CSMD1: variants seen among roughly 807,000 people sequenced by gnomAD.
CSMD1 encodes the protein CUB and sushi domain-containing protein 1.
A neutral mutation model predicts 417.5 loss-of-function variants in CSMD1; 213 were observed. The ratio of observed to expected loss-of-function variants is 0.51; its 90% CI spans 0.46 to 0.57. The LOEUF (loss-of-function observed/expected upper bound fraction) is 0.57, where lower values mean the gene tolerates loss of function less well. Ranked by LOEUF, CSMD1 falls within the 20% of genes least tolerant of loss-of-function variation. The probability of loss-of-function intolerance (pLI) is 0.00; values close to 1 mark genes in which losing one functional copy is unlikely to be tolerated. For missense variants in CSMD1, 6,923 were observed against 4,529.7 expected (o/e 1.53, Z -15.17); for synonymous variants, 2,862 against 1,736.8 (o/e 1.65, Z -16.11).
intron 3 of CSMD1, among the ~76,000 whole-genome samples, chr8:4,143,002 A>T (rs1304361226): frequency 7.3e-6 from 1 of 136,444 alleles, no homozygotes; most frequent in East Asian, 2.0e-4. Flanking sequence ...AAAAAAAAAA[A>T]ATGCTCTCCA....
chr8:3,379,220 A>G (rs28834422), intron 18 of CSMD1, among the ~76,000 whole-genome samples: 3,561 of 152,312 alleles, frequency 0.023, 142 homozygotes, highest in African/African-American at 0.082. Flanking sequence ...AAGGAGAACT[A>G]CAAACCACTG....
intron 1 of CSMD1, among the ~76,000 whole-genome samples, chr8:4,751,105 C>A (rs1371089226): frequency 6.6e-6 from 1 of 152,192 alleles, no homozygotes; most frequent in South Asian, 2.1e-4. Flanking sequence ...GCATGTCTGC[C>A]TGGGAGCAGT....
intron 3 of CSMD1, among the ~76,000 whole-genome samples, chr8:4,350,937 A>C (rs1469737334): frequency 6.6e-6 from 1 of 152,178 alleles, no homozygotes; most frequent in Non-Finnish European, 1.5e-5. Flanking sequence ...TCCTTGACAC[A>C]TACTTGCTTT....
intron 1 of CSMD1, among the ~76,000 whole-genome samples, chr8:4,860,135 AT>A: frequency 6.6e-6 from 1 of 151,748 alleles, no homozygotes; most frequent in South Asian, 2.1e-4. Flanking sequence ...ATTGGAAATC[AT>A]CATTCTCAGT....
At chr8:4,155,991 C>T (rs1299469720) in intron 3 of CSMD1, among the ~76,000 whole-genome samples, 2 of 152,090 alleles carry the variant, frequency 1.3e-5, no homozygotes, top group Non-Finnish European at 2.9e-5. Context: ...TGATAAACAT[C>T]AAAAAAGCCT....
intron 1 of CSMD1, among the ~76,000 whole-genome samples, chr8:4,715,871 A>C (rs1259995579): frequency 5.3e-5 from 8 of 152,182 alleles, no homozygotes; most frequent in Non-Finnish European, 1.2e-4. Flanking sequence ...ATTGCCTCCT[A>C]AAGGGTCCTT....
At chr8:3,839,462 A>G (rs550403584) in intron 5 of CSMD1, among the ~76,000 whole-genome samples, 1 of 124,456 alleles carries the variant, frequency 8.0e-6, no homozygotes, top group Non-Finnish European at 1.6e-5. Context: ...ATAATATATT[A>G]TATATTATAT....
chr8:3,556,079 T>A (rs986635950), intron 10 of CSMD1, among the ~76,000 whole-genome samples: 3 of 152,136 alleles, frequency 2.0e-5, no homozygotes, highest in African/African-American at 7.2e-5. Context: ...GTATGTATTA[T>A]TCCATATTCC....
chr8:3,284,460 C>G (rs529064572), intron 25 of CSMD1, 114 bp from the exon 26 acceptor site: 5 of 722,394 alleles, frequency 6.9e-6, no homozygotes, highest in Non-Finnish European at 1.2e-5. Context: ...CAACATGTGC[C>G]TCGGTACTTA....
intron 2 of CSMD1, among the ~76,000 whole-genome samples, chr8:4,625,892 T>A (rs1802076300): frequency 6.6e-6 from 1 of 151,956 alleles, no homozygotes; most frequent in African/African-American, 2.4e-5. Flanking sequence ...CCTGGCTAAT[T>A]GTTGTATTTT....
intron 21 of CSMD1, among the ~76,000 whole-genome samples, chr8:3,358,229 TGGACTCAG>T (rs1191948636): frequency 6.6e-6 from 1 of 152,222 alleles, no homozygotes; most frequent in Non-Finnish European, 1.5e-5. Flanking sequence ...GGACTCCCCA[TGGACTCAG>T]AAGGCTTGGT....
intron 12 of CSMD1, among the ~76,000 whole-genome samples, chr8:3,448,741 G>C (rs1047709113): frequency 3.3e-5 from 5 of 152,172 alleles, no homozygotes; most frequent in African/African-American, 1.2e-4. Flanking sequence ...GCACACCACA[G>C]AGGGATGCAT....
intron 2 of CSMD1, among the ~76,000 whole-genome samples, chr8:4,440,512 T>C (rs887015522): frequency 4.6e-5 from 7 of 152,196 alleles, no homozygotes; most frequent in African/African-American, 1.7e-4. Flanking sequence ...ATAATTTCTA[T>C]GGATATAAAG....
chr8:3,571,578 C>T (rs1010334440), intron 10 of CSMD1, among the ~76,000 whole-genome samples: 2 of 152,138 alleles, frequency 1.3e-5, no homozygotes. Context: ...GTTTCCCACA[C>T]CCACGGCACC....
intron 12 of CSMD1, among the ~76,000 whole-genome samples, chr8:3,423,681 A>G (rs1290227658): frequency 1.3e-5 from 2 of 152,192 alleles, no homozygotes; most frequent in African/African-American, 4.8e-5. Context: ...TATTATGAAG[A>G]AAGTCTTACG....
At chr8:3,189,875 G>A (rs992319477) in intron 34 of CSMD1, 37 bp downstream of exon 34, 1 of 1,522,560 alleles carries the variant, frequency 6.6e-7, no homozygotes, top group African/African-American at 1.4e-5. Flanking sequence ...CACCACCACA[G>A]AGTTCTGGCG....
intron 2 of CSMD1, among the ~76,000 whole-genome samples, chr8:4,448,786 C>G (rs1434553718): frequency 1.3e-5 from 2 of 152,126 alleles, no homozygotes; most frequent in Admixed American, 6.6e-5. Context: ...TAAATGATGT[C>G]ATCTGCAGAA....
At chr8:4,316,555 TTAA>T (rs1205001615) in intron 3 of CSMD1, among the ~76,000 whole-genome samples, 3 of 152,122 alleles carry the variant, frequency 2.0e-5, no homozygotes, top group African/African-American at 7.2e-5. Flanking sequence ...TTATATATAA[TTAA>T]TAACTTTCCA....
intron 15 of CSMD1, among the ~76,000 whole-genome samples, chr8:3,400,928 T>G (rs1812001901): frequency 7.3e-6 from 1 of 137,778 alleles, no homozygotes; most frequent in South Asian, 2.4e-4. Flanking sequence ...TGAAGAACAC[T>G]TGATTTTTTG....
Sources: allele counts gnomAD v4.1 joint callset (sites outside exome capture counted in the v4.1 genomes callset), GRCh38; gene constraint gnomAD v4.1.1; transcripts MANE v1.5; gene names NCBI Gene and HGNC (gene_info 2026-07-23, HGNC 2026-07-21).